The following PDE1C variants were observed in gnomAD, a reference collection of about 807,000 sequenced individuals.
The protein encoded by PDE1C is dual specificity calcium/calmodulin-dependent 3',5'-cyclic nucleotide phosphodiesterase 1C.
Under a neutral mutation model 93.1 loss-of-function variants are expected in PDE1C, and 62 were observed. That is an observed-to-expected ratio of 0.67 (90% confidence interval 0.54 to 0.82). PDE1C has a LOEUF of 0.82. Ranked by LOEUF, PDE1C falls within the 40% of genes least tolerant of loss-of-function variation. PDE1C has a pLI of 0.00. For synonymous variants in PDE1C, 325 were observed against 310.1 expected, an observed-to-expected ratio of 1.05 and a Z score of -0.50; for missense variants, 742 against 884.6, an observed-to-expected ratio of 0.84 and a Z score of 2.04.
At chr7:31,659,943 C>G in the PDE1C span, among the ~76,000 whole-genome samples, 1 of 152,136 alleles carries the variant, frequency 6.6e-6, no homozygotes, top group South Asian at 2.1e-4. Context: ...ACGGAGGGAA[C>G]CGGTGGGAGG....
chr7:32,349,432 T>A (rs1460792896), intron 1 of PDE1C, among the ~76,000 whole-genome samples: 1 of 152,194 alleles, frequency 6.6e-6, no homozygotes, highest in Non-Finnish European at 1.5e-5. Flanking sequence ...CTGGCTTTAG[T>A]TCTCCCTCTC....
chr7:31,902,192 C>T (rs1800065546), intron 2 of PDE1C, among the ~76,000 whole-genome samples: 1 of 151,198 alleles, frequency 6.6e-6, no homozygotes, highest in South Asian at 2.1e-4. Context: ...CTATTTACTA[C>T]ATATTATAAC....
At chr7:31,810,225 G>A (rs1339179297) in intron 15 of PDE1C, among the ~76,000 whole-genome samples, 1 of 152,078 alleles carries the variant, frequency 6.6e-6, no homozygotes, top group Admixed American at 6.6e-5. Context: ...TCAAGTGTTG[G>A]ATATTTTCTT....
intron 1 of PDE1C, among the ~76,000 whole-genome samples, chr7:32,265,642 G>A (rs903360785): frequency 6.6e-6 from 1 of 152,156 alleles, no homozygotes; most frequent in Non-Finnish European, 1.5e-5. Context: ...TCTGTTTCAT[G>A]AGTCAAGAAA....
chr7:31,942,421 C>A (rs1214230311), intron 2 of PDE1C, among the ~76,000 whole-genome samples: 1 of 151,882 alleles, frequency 6.6e-6, no homozygotes. Context: ...AAACTTAGGA[C>A]CCTCAGTAAT....
chr7:32,105,301 C>A (rs1418107399), intron 3 of PDE1C, among the ~76,000 whole-genome samples: 1 of 151,938 alleles, frequency 6.6e-6, no homozygotes, highest in Non-Finnish European at 1.5e-5. Context: ...TATTTAGGAA[C>A]CTGACAAGCA....
chr7:32,335,875 T>A lies in PDE1C; in HGVS notation c.310+91947A>T, dbSNP rs116871668. 5.5e-3 allele frequency among the ~76,000 whole-genome samples: 837 copies of A among 152,226 alleles called. 10 individuals carry two copies. Among genetic ancestry groups the A allele is most frequent in the East Asian group, 0.054 (281 of 5,166 alleles). ...TCCCAAGTATCTGGGTCCATAGGCA[T>A]GCACCACTACACTCAGCTAATTTTT... On this transcript the variant is annotated intron_variant, in intron 1 of 1. Coordinates refer to the PDE1C transcript ENST00000672256.
At chr7:32,367,473 T>C (rs11972917) in intron 1 of PDE1C, among the ~76,000 whole-genome samples, 4,411 of 152,238 alleles carry the variant, frequency 0.029, 217 homozygotes, top group African/African-American at 0.1. Context: ...ACCTGCTGAA[T>C]AGATTAAAAA....
intron 2 of PDE1C, among the ~76,000 whole-genome samples, chr7:32,191,249 C>T (rs1384274644): frequency 6.6e-6 from 1 of 152,104 alleles, no homozygotes; most frequent in African/African-American, 2.4e-5. Flanking sequence ...AAGTTTCCCC[C>T]AGTGGTGACA....
At chr7:32,133,483 G>A (rs574456386) in intron 3 of PDE1C, among the ~76,000 whole-genome samples, 85 of 152,242 alleles carry the variant, frequency 5.6e-4, no homozygotes, top group African/African-American at 2.0e-3. Context: ...GAAGGAACCA[G>A]GGGAAAATCC....
At position 31,857,330 on chromosome 7, in the gene PDE1C, A is replaced by G. The variant is rs550111542; in HGVS notation, c.751-6589T>C. ...AACAATGTCTCTGATTTTGTTTGAG[A>G]TGGCAGTGTGTCAGACTTCCCTATA... On this transcript the variant is annotated intron_variant, in intron 7 of 17. Coordinates refer to ENST00000396191, the MANE Select transcript of PDE1C (RefSeq NM_001191057.4). Among the ~76,000 whole-genome samples the G allele has an allele frequency of 4.6e-5, 7 of 152,144 alleles. No individual in the cohort carries two copies. In the South Asian group the frequency reaches 1.5e-3, roughly 32 times the overall value.
exon 1 of PDE1C, chr7:32,299,174 T>G: frequency 1.0e-6 from 1 of 997,940 alleles, no homozygotes; most frequent in South Asian, 4.6e-5. Context: ...CTGGGGGGAT[T>G]TGGGGACCCA....
the PDE1C span, among the ~76,000 whole-genome samples, chr7:31,741,658 C>T: frequency 2.6e-5 from 4 of 152,042 alleles, no homozygotes; most frequent in Non-Finnish European, 5.9e-5. Context: ...TATATTTTAC[C>T]TGCCTGTAGC....
intron 13 of PDE1C, among the ~76,000 whole-genome samples, chr7:31,824,128 C>T (rs1042294146): frequency 6.6e-6 from 1 of 152,244 alleles, no homozygotes; most frequent in Admixed American, 6.5e-5. Context: ...ATTCATTCCA[C>T]TTCTCTTCTT....
At chr7:32,339,283 T>C (rs1234626279) in intron 1 of PDE1C, among the ~76,000 whole-genome samples, 1 of 152,156 alleles carries the variant, frequency 6.6e-6, no homozygotes, top group Non-Finnish European at 1.5e-5. Flanking sequence ...AATACTGTAT[T>C]ATACGATGAG....
At chr7:31,720,231 G>C in the PDE1C span, among the ~76,000 whole-genome samples, 1 of 148,022 alleles carries the variant, frequency 6.8e-6, no homozygotes, top group African/African-American at 2.5e-5. Flanking sequence ...TAAAAGCAGA[G>C]GAGCAAAATT....
chr7:31,920,937 T>G (rs762842268), intron 2 of PDE1C, among the ~76,000 whole-genome samples: 17 of 152,220 alleles, frequency 1.1e-4, no homozygotes, highest in Non-Finnish European at 1.3e-4. Flanking sequence ...CACCATTCAT[T>G]CTATTAACCC....
At position 32,402,939 on chromosome 7, in the gene PDE1C, C is replaced by T. The variant is rs377180736; in HGVS notation, c.310+24883G>A. On this transcript the variant is annotated intron_variant, in intron 1 of 1. Coordinates refer to the PDE1C transcript ENST00000672256. ...ATGAGAAGGTGCCCCAACAAGGAGC[C>T]CCAACAAGGGCAAGAATGTGTTAGT... Among the ~76,000 whole-genome samples, 2 of 152,114 alleles carry T rather than the reference C, an allele frequency of 1.3e-5. 1 individual carries two copies. The highest frequency in any genetic ancestry group is 3.9e-4 in the East Asian group (2 of 5,186).
intron 3 of PDE1C, among the ~76,000 whole-genome samples, chr7:32,134,365 A>T (rs1800087885): frequency 6.6e-6 from 1 of 152,156 alleles, no homozygotes; most frequent in Admixed American, 6.6e-5. Flanking sequence ...TTGAATTGAG[A>T]CAAAAGACAA....
Sources: gnomAD v4.1 joint callset for allele counts (sites outside exome capture counted in the v4.1 genomes callset) on GRCh38, gnomAD v4.1.1 for gene constraint, MANE v1.5 for transcripts, NCBI Gene and HGNC (gene_info 2026-07-23, HGNC 2026-07-21) for gene names.